LPAR3: variants seen among roughly 807,000 people sequenced by gnomAD.
LPAR3 encodes the protein LPA receptor 3.
In LPAR3, 7 loss-of-function variants were observed where a neutral mutation model predicts 17.8. That is an observed-to-expected ratio of 0.39 (90% confidence interval 0.22 to 0.74). The LOEUF (loss-of-function observed/expected upper bound fraction) is 0.74. Among genes scored for constraint, LPAR3 ranks in the 30% least tolerant of loss-of-function variants. The pLI, the probability that LPAR3 is intolerant of heterozygous loss-of-function variation, is 0.40. For missense variants in LPAR3, 391 were observed against 453.4 expected (o/e 0.86, Z 1.25); for synonymous variants, 179 against 179.9 (o/e 0.99, Z 0.04).
At chr1:84,887,620 T>C (rs1216713454) in intron 1 of LPAR3, among the ~76,000 whole-genome samples, 1 of 152,154 alleles carries the variant, frequency 6.6e-6, no homozygotes, top group African/African-American at 2.4e-5. Flanking sequence ...AACACCAACA[T>C]AACCAGGTGA....
chr1:84,843,861 T>C (rs970932381), intron 2 of LPAR3, among the ~76,000 whole-genome samples: 3 of 152,238 alleles, frequency 2.0e-5, no homozygotes, highest in African/African-American at 7.2e-5. Context: ...TCTACCTGGA[T>C]GGGCTCTCCC....
At chr1:84,864,784 C>CA (rs1485701226) in intron 2 of LPAR3, among the ~76,000 whole-genome samples, 1 of 150,174 alleles carries the variant, frequency 6.7e-6, no homozygotes, top group Non-Finnish European at 1.5e-5. Context: ...GAGGCTCCGG[C>CA]AAAAAAAGAA....
chr1:84,892,646 A>G (rs1208903890), intron 1 of LPAR3, among the ~76,000 whole-genome samples: 2 of 152,202 alleles, frequency 1.3e-5, no homozygotes, highest in Non-Finnish European at 2.9e-5. Flanking sequence ...ATCACCATCG[A>G]TGGCAATGAG....
chr1:84,828,673 C>A (rs770603278), intron 2 of LPAR3, among the ~76,000 whole-genome samples: 1 of 151,992 alleles, frequency 6.6e-6, no homozygotes, highest in Non-Finnish European at 1.5e-5. Flanking sequence ...ATGGCCACCC[C>A]CTCCAGGCCT....
chr1:84,817,593 T>G (rs2102743869), intron 2 of LPAR3, among the ~76,000 whole-genome samples: 1 of 152,294 alleles, frequency 6.6e-6, no homozygotes, highest in South Asian at 2.1e-4. Context: ...GAAGTACCTG[T>G]TCTCTAGTTT....
chr1:84,856,474 C>T (rs1659831081), intron 2 of LPAR3, among the ~76,000 whole-genome samples: 2 of 152,198 alleles, frequency 1.3e-5, no homozygotes, highest in Non-Finnish European at 2.9e-5. Context: ...TTCTGTGTTG[C>T]AGAAGCAACT....
At chr1:84,871,288 C>A (rs896457386) in intron 1 of LPAR3, among the ~76,000 whole-genome samples, 5 of 152,198 alleles carry the variant, frequency 3.3e-5, no homozygotes, top group African/African-American at 1.2e-4. Context: ...CAAATGAAAA[C>A]TTCATGAGCA....
intron 2 of LPAR3, among the ~76,000 whole-genome samples, chr1:84,817,715 G>A (rs1658967734): frequency 6.6e-6 from 1 of 151,340 alleles, no homozygotes; most frequent in Admixed American, 6.6e-5. Context: ...CTGACACCAC[G>A]GCCAGCCAAT....
intron 1 of LPAR3, among the ~76,000 whole-genome samples, chr1:84,886,011 T>C (rs1197144184): frequency 6.6e-6 from 1 of 152,212 alleles, no homozygotes; most frequent in Non-Finnish European, 1.5e-5. Context: ...TATACACATA[T>C]ATTTCCTAGC....
chr1:84,887,375 T>TA (rs200331450), intron 1 of LPAR3, among the ~76,000 whole-genome samples: 385 of 138,282 alleles, frequency 2.8e-3, no homozygotes, highest in Admixed American at 5.3e-3. Flanking sequence ...GACCTTGTCT[T>TA]AAAAAAAAAA....
intron 2 of LPAR3, among the ~76,000 whole-genome samples, chr1:84,856,062 G>T (rs897679651): frequency 6.6e-6 from 1 of 152,184 alleles, no homozygotes; most frequent in African/African-American, 2.4e-5. Flanking sequence ...CAGCAGCGTA[G>T]GGGCAGCAAC....
chr1:84,814,035 G>T lies in LPAR3; in HGVS notation c.873C>A (p.Ile291=). The T allele has an allele frequency of 1.2e-6, 2 of 1,614,182 alleles. No homozygotes were observed. Among genetic ancestry groups the T allele is most frequent in the Non-Finnish European group, 1.7e-6 (2 of 1,180,034 alleles). The change falls in exon 3 of 3, where the codon ATC becomes ATA. Residue 291 remains isoleucine, a synonymous_variant. Coordinates refer to ENST00000370611, the MANE Select transcript of LPAR3 (RefSeq NM_012152.3). ...TGTCCTCGTCCTTGTAGGAGTAGAT[G>T]ATGGGGTTCACGACGGAGTTGAGCA... ...LALLNSVVNP[I]IYSYKDEDMY...
intron 2 of LPAR3, among the ~76,000 whole-genome samples, chr1:84,855,910 A>G (rs576032546): frequency 2.6e-4 from 39 of 152,330 alleles, no homozygotes; most frequent in African/African-American, 9.1e-4. Context: ...AAGAGGTGTC[A>G]AGATGGCATT....
At chr1:84,825,131 G>A (rs2102746914) in intron 2 of LPAR3, among the ~76,000 whole-genome samples, 1 of 152,314 alleles carries the variant, frequency 6.6e-6, no homozygotes, top group South Asian at 2.1e-4. Flanking sequence ...TTTGATGGTT[G>A]TGGGGTTCTC....
chr1:84,844,366 A>C (rs1220768828), intron 2 of LPAR3, among the ~76,000 whole-genome samples: 1 of 152,206 alleles, frequency 6.6e-6, no homozygotes, highest in Non-Finnish European at 1.5e-5. Flanking sequence ...AATTATAAAA[A>C]CCTGATGTTG....
chr1:84,866,942 A>G (rs932629237), intron 1 of LPAR3, among the ~76,000 whole-genome samples: 3 of 152,188 alleles, frequency 2.0e-5, no homozygotes, highest in African/African-American at 7.2e-5. Flanking sequence ...TCAACACGGC[A>G]GGTGGAGGAG....
rs572918031 is a variant in LPAR3 at position 84,820,098 on chromosome 1, G to C, written c.737-5927C>G. Reference sequence around the variant, plus strand: ...TCCTAGACTAACATACAATAAATTTGAAGTTTAGAGTAGCTCAACAGTTTG... The same window carrying C: ...TCCTAGACTAACATACAATAAATTTCAAGTTTAGAGTAGCTCAACAGTTTG... On this transcript the variant is annotated intron_variant, in intron 2 of 2. Coordinates refer to ENST00000370611, the MANE Select transcript of LPAR3 (RefSeq NM_012152.3). Among the ~76,000 whole-genome samples, 7 of 152,288 alleles carry C rather than the reference G, an allele frequency of 4.6e-5. No individual in the cohort carries two copies. The East Asian group carries it at 1.3e-3, about 29-fold the overall frequency.
At chr1:84,837,139 A>G (rs1659420186) in intron 2 of LPAR3, among the ~76,000 whole-genome samples, 1 of 149,910 alleles carries the variant, frequency 6.7e-6, no homozygotes, top group Admixed American at 6.7e-5. Flanking sequence ...CTCCTGCCTT[A>G]GCCTCCTGAG....
intron 2 of LPAR3, among the ~76,000 whole-genome samples, chr1:84,816,696 A>G (rs748347304): frequency 1.6e-4 from 25 of 152,136 alleles, no homozygotes; most frequent in Non-Finnish European, 5.9e-5. Flanking sequence ...TGCTTGGAAG[A>G]CTGAGGCAGG....
Sources: allele counts gnomAD v4.1 joint callset (sites outside exome capture counted in the v4.1 genomes callset), GRCh38; gene constraint gnomAD v4.1.1; transcripts MANE v1.5; gene names NCBI Gene and HGNC (gene_info 2026-07-23, HGNC 2026-07-21).